TCTN2: variants seen among roughly 807,000 people sequenced by gnomAD.
TCTN2 encodes the protein tectonic-2.
TCTN2 carries 66 observed loss-of-function variants against 83.4 expected under a neutral mutation model. That is an observed-to-expected ratio of 0.79 (90% CI 0.65 to 0.97). The LOEUF (loss-of-function observed/expected upper bound fraction) is 0.97. TCTN2 is among the 50% of genes least tolerant of loss of function. TCTN2 has a pLI of 0.00. For synonymous variants in TCTN2, 301 were observed against 326.7 expected, an observed-to-expected ratio of 0.92 and a Z score of 0.85; for missense variants, 794 against 858.1, an observed-to-expected ratio of 0.93 and a Z score of 0.93.
At chr12:123,700,877 G>A (rs1346624937) in intron 14 of TCTN2, among the ~76,000 whole-genome samples, 1 of 152,168 alleles carries the variant, frequency 6.6e-6, no homozygotes, top group African/African-American at 2.4e-5. Context: ...GAGCCTAGGA[G>A]TTTGAGGCTA....
At chr12:123,697,220 A>G (rs1956119895) in intron 13 of TCTN2, 22 bp downstream of exon 13, 15 of 1,505,466 alleles carry the variant, frequency 1.0e-5, no homozygotes, top group Non-Finnish European at 1.3e-5. Flanking sequence ...ATTGATGAAT[A>G]TATCGGCAAT....
At chr12:123,697,345 C>A (rs977935124) in intron 13 of TCTN2, 147 bp downstream of exon 13, 4 of 710,382 alleles carry the variant, frequency 5.6e-6, no homozygotes, top group Non-Finnish European at 1.0e-5. Context: ...ACATGTAATA[C>A]AATTTAGAGT....
At chr12:123,705,405 C>T (rs1435502282) in intron 15 of TCTN2, among the ~76,000 whole-genome samples, 1 of 152,140 alleles carries the variant, frequency 6.6e-6, no homozygotes, top group Admixed American at 6.6e-5. Flanking sequence ...TCATGATCCG[C>T]CCGCCTCGGC....
intron 12 of TCTN2, 183 bp from the exon 13 acceptor site, chr12:123,696,904 T>C: frequency 3.3e-6 from 2 of 598,774 alleles, no homozygotes; most frequent in Non-Finnish European, 5.9e-6. Context: ...GCTCAGGATC[T>C]GAGAAGTCTG....
At chr12:123,688,442 C>T (rs1172874154) in intron 7 of TCTN2, among the ~76,000 whole-genome samples, 1 of 152,090 alleles carries the variant, frequency 6.6e-6, no homozygotes, top group African/African-American at 2.4e-5. Flanking sequence ...ATCTCGATCT[C>T]TTGACCCTGT....
At chr12:123,684,310 A>T (rs1283871089) in intron 5 of TCTN2, among the ~76,000 whole-genome samples, 3 of 150,508 alleles carry the variant, frequency 2.0e-5, no homozygotes, top group Non-Finnish European at 4.4e-5. Flanking sequence ...CATAAGATCT[A>T]CCCTCTTAGC....
At chr12:123,692,070 T>G (rs972175496) in intron 8 of TCTN2, among the ~76,000 whole-genome samples, 2 of 152,192 alleles carry the variant, frequency 1.3e-5, no homozygotes, top group Non-Finnish European at 2.9e-5. Context: ...AATTTTTGTA[T>G]TTTTAGTAGA....
chr12:123,675,306 T>C (rs1955807314), intron 4 of TCTN2, among the ~76,000 whole-genome samples: 1 of 152,150 alleles, frequency 6.6e-6, no homozygotes, highest in Non-Finnish European at 1.5e-5. Context: ...AAAAGAGCTT[T>C]CAACTAGATG....
chr12:123,683,569 C>T (rs760949643), intron 5 of TCTN2, among the ~76,000 whole-genome samples: 5 of 152,040 alleles, frequency 3.3e-5, no homozygotes, highest in African/African-American at 4.8e-5. Context: ...TGTGAGTCAC[C>T]GTGGCTGGCC....
At chr12:123,681,697 G>A (rs1196695901) in intron 5 of TCTN2, among the ~76,000 whole-genome samples, 1 of 152,198 alleles carries the variant, frequency 6.6e-6, no homozygotes, top group Admixed American at 6.5e-5. Context: ...TAGTGCCGCT[G>A]TGAACATTTG....
chr12:123,694,999 G>C, intron 10 of TCTN2, 23 bp downstream of exon 10: 1 of 1,611,628 alleles, frequency 6.2e-7, no homozygotes, highest in South Asian at 1.1e-5. Flanking sequence ...AGGGTAGCAA[G>C]CATGCTTTCA....
chr12:123,688,452 T>C (rs937359978), intron 7 of TCTN2, among the ~76,000 whole-genome samples: 4 of 152,136 alleles, frequency 2.6e-5, no homozygotes, highest in African/African-American at 4.8e-5. Flanking sequence ...CTTGACCCTG[T>C]GATCCTAGTG....
rs1051821648 is a variant in TCTN2 at position 123,686,950 on chromosome 12, G to C, written c.679G>C (p.Gly227Arg). ...QLCSAGTTTR[G>R]VPDWFPFLCV... The stretch of plus-strand genomic sequence containing the variant: ...CTGCTCTGCTGGGACGACGACACGT[G>C]GTGTCCCCGATTGGTTTCCCTTTCT... Residue 227 changes from glycine to arginine, a missense_variant, in exon 6 of 18, where the codon GGT becomes CGT. Gly to Arg is a moderately radical substitution (Grantham distance 125, BLOSUM62 -2). Transcript: ENST00000303372. 6 of 1,614,042 alleles carry C rather than the reference G, an allele frequency of 3.7e-6. No homozygotes were observed. The highest frequency in any genetic ancestry group is 2.7e-5 in the African/African-American group (2 of 74,912).
At chr12:123,701,473 TCA>T (rs1159794211) in intron 14 of TCTN2, among the ~76,000 whole-genome samples, 4 of 152,054 alleles carry the variant, frequency 2.6e-5, no homozygotes, top group Non-Finnish European at 5.9e-5. Flanking sequence ...GCACGGTGGC[TCA>T]TATCTGTAAT....
chr12:123,686,169 C>T (rs762945550), intron 5 of TCTN2, among the ~76,000 whole-genome samples: 1 of 152,072 alleles, frequency 6.6e-6, no homozygotes. Flanking sequence ...GGCTCAGCCT[C>T]CTGAGTAGCT....
In TCTN2 at chr12:123,706,824, C is replaced by T. The variant is rs1348920259; in HGVS notation, c.1868C>T (p.Pro623Leu). 12 of 1,614,156 alleles carry T rather than the reference C, an allele frequency of 7.4e-6. No homozygotes were observed. The highest frequency in any genetic ancestry group is 1.0e-5 in the Non-Finnish European group (12 of 1,180,028). The change falls in exon 16 of 18, where the codon CCT becomes CTT. Residue 623 changes from proline to leucine, a missense_variant. By Grantham distance (98) the Pro-to-Leu change is moderately conservative (BLOSUM62 -3). Transcript: ENST00000303372. The part of the protein sequence containing the change: ...ISASVQFIKI[P>L]AQLPHPLTRF... ...GCATCCGTCCAGTTTATTAAAATTC[C>T]TGCACAGTTACCCCACCCCCTGACA...
At chr12:123,693,452 A>AG (rs1396865007) in intron 9 of TCTN2, among the ~76,000 whole-genome samples, 2,474 of 102,734 alleles carry the variant, frequency 0.024, 93 homozygotes, top group African/African-American at 0.096. Flanking sequence ...AGAGTTTGGC[A>AG]GATTTTTTTT....
Position 123,694,865 on chromosome 12 carries a change from A to AC in TCTN2, c.1127dup (p.Arg377Ter). The AC allele has an allele frequency of 6.2e-7, 1 of 1,613,202 alleles. No individual in the cohort carries two copies. The highest frequency in any genetic ancestry group is 1.1e-5 in the South Asian group (1 of 91,076). ...AGAAACTCCTTTAAATAACGGATCA[A>AC]CCCCTAGAATTGTGAATGTGGAAGA... On this transcript the variant is annotated frameshift_variant, in exon 10 of 18. Transcript: ENST00000303372. LOFTEE classifies it high-confidence loss of function.
At chr12:123,677,417 T>C (rs1463535104) in intron 4 of TCTN2, among the ~76,000 whole-genome samples, 1 of 152,198 alleles carries the variant, frequency 6.6e-6, no homozygotes. Flanking sequence ...AAACAAATAG[T>C]TCCTGCATGG....
Sources: allele counts gnomAD v4.1 joint callset (sites outside exome capture counted in the v4.1 genomes callset), GRCh38; gene constraint gnomAD v4.1.1; transcripts MANE v1.5; gene names NCBI Gene and HGNC (gene_info 2026-07-23, HGNC 2026-07-21).